The following NKAIN2 variants were observed in gnomAD, a reference collection of about 807,000 sequenced individuals.
NKAIN2 encodes the protein sodium/potassium-transporting ATPase subunit beta-1-interacting protein 2.
A neutral mutation model predicts 32.6 loss-of-function variants in NKAIN2; 14 were observed. The observed-to-expected ratio is 0.43, with a 90% CI of 0.28 to 0.67. The LOEUF (loss-of-function observed/expected upper bound fraction) is 0.67. Ranked by LOEUF, NKAIN2 falls within the 30% of genes least tolerant of loss-of-function variation. The pLI, the probability that NKAIN2 is intolerant of heterozygous loss-of-function variation, is 0.17. For synonymous variants in NKAIN2, 80 were observed against 87.2 expected (o/e 0.92, Z 0.46); for missense variants, 198 against 258.3 (o/e 0.77, Z 1.60).
chr6:123,980,076 G>T (rs1431017224), intron 1 of NKAIN2, among the ~76,000 whole-genome samples: 1 of 152,126 alleles, frequency 6.6e-6, no homozygotes, highest in Non-Finnish European at 1.5e-5. Flanking sequence ...GAATATATTT[G>T]AATTTGATCT....
At chr6:124,740,417 G>A (rs1777145609) in intron 4 of NKAIN2, among the ~76,000 whole-genome samples, 1 of 145,860 alleles carries the variant, frequency 6.9e-6, no homozygotes, top group African/African-American at 2.5e-5. Flanking sequence ...GGAGACAGAA[G>A]ATTAACATAT....
chr6:124,076,075 G>C (rs976531673), intron 1 of NKAIN2, among the ~76,000 whole-genome samples: 4 of 152,190 alleles, frequency 2.6e-5, no homozygotes, highest in Non-Finnish European at 4.4e-5. Flanking sequence ...GAAGTTGCAG[G>C]TGACTGGTCT....
chr6:124,547,486 T>C (rs1780137346), intron 3 of NKAIN2, among the ~76,000 whole-genome samples: 1 of 152,308 alleles, frequency 6.6e-6, no homozygotes, highest in South Asian at 2.1e-4. Flanking sequence ...TATAAATACA[T>C]ACAGAAATTA....
chr6:124,297,658 A>G (rs1288306962), intron 2 of NKAIN2, among the ~76,000 whole-genome samples: 2 of 150,862 alleles, frequency 1.3e-5, no homozygotes, highest in Non-Finnish European at 2.9e-5. Context: ...CATGCTTATT[A>G]TTGTTCTTTT....
intron 4 of NKAIN2, among the ~76,000 whole-genome samples, chr6:124,741,598 T>C (rs1361434967): frequency 4.0e-5 from 6 of 151,794 alleles, no homozygotes; most frequent in Admixed American, 3.9e-4. Context: ...CAGGTAAGAA[T>C]AGAAAATGAG....
chr6:124,385,570 T>A (rs761861604), intron 3 of NKAIN2, among the ~76,000 whole-genome samples: 32 of 152,248 alleles, frequency 2.1e-4, no homozygotes, highest in Admixed American at 1.3e-3. Flanking sequence ...ATTCTGTATA[T>A]CCACAATGAT....
At chr6:124,028,592 G>A (rs1404817089) in intron 1 of NKAIN2, among the ~76,000 whole-genome samples, 2 of 151,114 alleles carry the variant, frequency 1.3e-5, no homozygotes, top group Non-Finnish European at 2.9e-5. Context: ...ATCTCTTAGT[G>A]GCAATATAAC....
At chr6:123,865,074 T>G (rs1030024087) in intron 1 of NKAIN2, among the ~76,000 whole-genome samples, 3 of 152,132 alleles carry the variant, frequency 2.0e-5, no homozygotes, top group Non-Finnish European at 2.9e-5. Context: ...TCTAGGACCC[T>G]TTTAGTAAAA....
chr6:124,700,862 CT>C (rs1774744204), intron 4 of NKAIN2, among the ~76,000 whole-genome samples: 1 of 140,962 alleles, frequency 7.1e-6, no homozygotes, highest in Non-Finnish European at 1.5e-5. Flanking sequence ...TAGAAATTGT[CT>C]CTTTCCTGAC....
At chr6:123,995,669 T>C (rs947623592) in intron 1 of NKAIN2, among the ~76,000 whole-genome samples, 5 of 152,206 alleles carry the variant, frequency 3.3e-5, no homozygotes, top group African/African-American at 1.2e-4. Context: ...AAAATAACTT[T>C]CTTTGCTGTA....
At chr6:124,713,658 A>C (rs941881642) in intron 4 of NKAIN2, among the ~76,000 whole-genome samples, 1 of 152,198 alleles carries the variant, frequency 6.6e-6, no homozygotes, top group African/African-American at 2.4e-5. Flanking sequence ...CAGAGCTTTG[A>C]GCAAACTTAG....
In NKAIN2 at chr6:124,190,804, C is replaced by T. The variant is rs193276178; in HGVS notation, c.55-92201C>T. Among the ~76,000 whole-genome samples, 279 of 152,280 alleles carry T rather than the reference C, an allele frequency of 1.8e-3. 1 individual carries two copies. Among genetic ancestry groups the T allele is most frequent in the Middle Eastern group, 0.01 (3 of 294 alleles). On this transcript the variant is annotated intron_variant, in intron 1 of 6. Coordinates refer to ENST00000368417, the MANE Select transcript of NKAIN2 (RefSeq NM_001040214.3). ...ACCCCCTACCATGCCAACTCCACCC[C>T]ACTCTTTGTTAGATAATATGTGGTC...
At chr6:124,759,882 G>A (rs1404635664) in intron 4 of NKAIN2, among the ~76,000 whole-genome samples, 5 of 151,834 alleles carry the variant, frequency 3.3e-5, no homozygotes, top group African/African-American at 1.2e-4. Context: ...GAGTACACAT[G>A]ATCCATGTGC....
chr6:124,408,296 T>C (rs1353134390), intron 3 of NKAIN2, among the ~76,000 whole-genome samples: 6 of 152,104 alleles, frequency 3.9e-5, no homozygotes, highest in Non-Finnish European at 8.8e-5. Flanking sequence ...AATGGTATTG[T>C]CTAGGTTTTC....
intron 1 of NKAIN2, among the ~76,000 whole-genome samples, chr6:124,256,885 GTTT>G (rs568654193): frequency 0.044 from 3,362 of 75,970 alleles, 51 homozygotes; most frequent in African/African-American, 0.12. Context: ...GCTTTCTGTT[GTTT>G]TTTTTTTTTT....
intron 1 of NKAIN2, among the ~76,000 whole-genome samples, chr6:124,190,549 C>G (rs1435944454): frequency 1.3e-5 from 2 of 152,176 alleles, no homozygotes; most frequent in African/African-American, 4.8e-5. Flanking sequence ...TACAGTGGCT[C>G]TATAATTGGC....
chr6:123,986,751 A>G (rs905403084), intron 1 of NKAIN2, among the ~76,000 whole-genome samples: 30 of 152,202 alleles, frequency 2.0e-4, no homozygotes, highest in Non-Finnish European at 3.1e-4. Context: ...GGTTTAGCCT[A>G]TTTAACACCT....
At chr6:124,084,849 A>G (rs1258168322) in intron 1 of NKAIN2, among the ~76,000 whole-genome samples, 1 of 151,910 alleles carries the variant, frequency 6.6e-6, no homozygotes, top group African/African-American at 2.4e-5. Flanking sequence ...TCCTCATAGA[A>G]AAAGAAAAAA....
intron 1 of NKAIN2, among the ~76,000 whole-genome samples, chr6:123,815,642 C>A (rs1165810526): frequency 6.6e-6 from 1 of 151,898 alleles, no homozygotes; most frequent in Non-Finnish European, 1.5e-5. Flanking sequence ...AGATGAAAAC[C>A]CCTAGTATAA....
Sources: allele counts gnomAD v4.1 joint callset (sites outside exome capture counted in the v4.1 genomes callset), GRCh38; gene constraint gnomAD v4.1.1; transcripts MANE v1.5; gene names NCBI Gene and HGNC (gene_info 2026-07-23, HGNC 2026-07-21).